Variants in VPS37A observed in about 807,000 individuals in gnomAD.
The protein encoded by VPS37A is vacuolar protein sorting-associated protein 37A.
Under a neutral mutation model 49.8 loss-of-function variants are expected in VPS37A, and 30 were observed. The ratio of observed to expected loss-of-function variants is 0.60; its 90% CI spans 0.45 to 0.82. The LOEUF is 0.82. VPS37A is among the 40% of genes least tolerant of loss of function. The pLI is 0.00. For synonymous variants in VPS37A, 195 were observed against 160.6 expected, an observed-to-expected ratio of 1.21 and a Z score of -1.62; for missense variants, 593 against 464.4, an observed-to-expected ratio of 1.28 and a Z score of -2.55.
intron 1 of VPS37A, among the ~76,000 whole-genome samples, chr8:17,264,126 C>T (rs1328996964): frequency 6.6e-6 from 1 of 151,934 alleles, no homozygotes; most frequent in Non-Finnish European, 1.5e-5. Context: ...TTTTTTTTAA[C>T]ATCTCCCTTT....
intron 4 of VPS37A, among the ~76,000 whole-genome samples, chr8:17,271,470 G>A (rs1813984520): frequency 6.6e-6 from 1 of 152,152 alleles, no homozygotes; most frequent in Non-Finnish European, 1.5e-5. Flanking sequence ...GCTGGGCATG[G>A]TGGTGGGCAC....
chr8:17,315,188 C>T, the VPS37A span, among the ~76,000 whole-genome samples: 2 of 152,128 alleles, frequency 1.3e-5, no homozygotes, highest in Admixed American at 1.3e-4. Context: ...TATGAAAAGA[C>T]ACAGAGGGAA....
At chr8:17,316,733 T>C in the VPS37A span, among the ~76,000 whole-genome samples, 2 of 152,168 alleles carry the variant, frequency 1.3e-5, no homozygotes. Context: ...AGCACCTACA[T>C]TGTATTAAGT....
rs1816793252 is a variant in VPS37A, at chr8:17,297,683, T to TAA, written c.*2700_*2701dup. 2.0e-5 allele frequency: 3 copies of TAA among 152,100 alleles called. No individual in the cohort carries two copies. Among genetic ancestry groups the TAA allele is most frequent in the African/African-American group, 7.2e-5 (3 of 41,468 alleles). 9.4% of individuals were successfully genotyped at this position (152,100 alleles called of 1,614,324 possible). On this transcript the variant is annotated 3_prime_UTR_variant, in exon 12 of 12. Coordinates refer to ENST00000324849, the MANE Select transcript of VPS37A (RefSeq NM_152415.3). ...CTATGCTTTAAACCACTGCTCTCAATAAAACACTTCCTGATTAATGTTTGA... is the reference window on the plus strand; with the variant it reads ...CTATGCTTTAAACCACTGCTCTCAATAAAAAACACTTCCTGATTAATGTTTGA...
intron 9 of VPS37A, among the ~76,000 whole-genome samples, chr8:17,283,120 T>C (rs1815243474): frequency 1.3e-5 from 2 of 152,204 alleles, no homozygotes; most frequent in Admixed American, 6.5e-5. Context: ...ACAGTTCATT[T>C]TTATTTATGA....
chr8:17,314,356 C>T, the VPS37A span, among the ~76,000 whole-genome samples: 2 of 152,206 alleles, frequency 1.3e-5, no homozygotes, highest in East Asian at 3.9e-4. Context: ...ACCCCCAACT[C>T]CATGGGCAAT....
intron 2 of VPS37A, among the ~76,000 whole-genome samples, chr8:17,266,317 G>C (rs1217537081): frequency 6.6e-6 from 1 of 152,166 alleles, no homozygotes; most frequent in Non-Finnish European, 1.5e-5. Context: ...AGCCGTTAGA[G>C]ATAGATTCAC....
In VPS37A at chr8:17,280,292, G is replaced by C. The variant is rs758349220; in HGVS notation, c.895G>C (p.Asp299His). The change falls in exon 8 of 12, where the codon GAT (aspartate) becomes CAT (histidine). Residue 299 changes from aspartate (D) to histidine (H), a missense_variant. Physicochemically the swap from Asp to His is moderately conservative, Grantham distance 81. Coordinates refer to ENST00000324849, the MANE Select transcript of VPS37A (RefSeq NM_152415.3). The stretch of plus-strand genomic sequence containing the variant: ...GGAAGCCAAAAGACAAACTGTTTTA[G>C]ATAAGGTGAGTTAGTGATAATTTTG... ...SLEAKRQTVL[D>H]KYELLTQMKS... 1 of 1,612,042 alleles carries C rather than the reference G, an allele frequency of 6.2e-7. No individual in the cohort carries two copies.
At chr8:17,316,348 TA>T in the VPS37A span, among the ~76,000 whole-genome samples, 1 of 151,982 alleles carries the variant, frequency 6.6e-6, no homozygotes, top group African/African-American at 2.4e-5. Context: ...ATTATGTAAA[TA>T]AATTTCATTA....
intron 11 of VPS37A, among the ~76,000 whole-genome samples, chr8:17,288,343 G>A (rs1262168091): frequency 1.3e-5 from 2 of 152,054 alleles, no homozygotes; most frequent in Non-Finnish European, 2.9e-5. Flanking sequence ...TTGACATTAG[G>A]TGTTTCTTCT....
the VPS37A span, among the ~76,000 whole-genome samples, chr8:17,314,805 T>C: frequency 6.6e-6 from 1 of 152,226 alleles, no homozygotes; most frequent in African/African-American, 2.4e-5. Flanking sequence ...AGACCTGATA[T>C]GCAGTCGGTG....
intron 1 of VPS37A, among the ~76,000 whole-genome samples, chr8:17,250,114 G>A (rs1811835244): frequency 6.6e-6 from 1 of 152,270 alleles, no homozygotes; most frequent in South Asian, 2.1e-4. Flanking sequence ...TAGGGAAGAA[G>A]GGTTGTAGTT....
At chr8:17,308,937 G>C in the VPS37A span, among the ~76,000 whole-genome samples, 4 of 152,206 alleles carry the variant, frequency 2.6e-5, no homozygotes, top group Non-Finnish European at 4.4e-5. Context: ...ACAACTTGCA[G>C]ACTAAAGTGA....
At chr8:17,294,178 C>G (rs953575336) in intron 11 of VPS37A, among the ~76,000 whole-genome samples, 4 of 152,234 alleles carry the variant, frequency 2.6e-5, no homozygotes, top group Non-Finnish European at 5.9e-5. Flanking sequence ...GAGAGGCAGT[C>G]TGGCTACAGT....
At chr8:17,325,125 C>T in the VPS37A span, among the ~76,000 whole-genome samples, 5 of 151,982 alleles carry the variant, frequency 3.3e-5, no homozygotes, top group African/African-American at 9.7e-5. Flanking sequence ...ACATCGGAAC[C>T]GACAGCCACA....
the VPS37A span, among the ~76,000 whole-genome samples, chr8:17,307,896 G>A: frequency 1.3e-5 from 2 of 151,576 alleles, no homozygotes; most frequent in Non-Finnish European, 2.9e-5. Context: ...GTGGGGTGGC[G>A]GGAGGGGGGA....
At chr8:17,322,541 T>A in the VPS37A span, among the ~76,000 whole-genome samples, 2 of 152,194 alleles carry the variant, frequency 1.3e-5, no homozygotes, top group Non-Finnish European at 2.9e-5. Context: ...AACATGTGGC[T>A]GGGCACATTG....
downstream of VPS37A, among the ~76,000 whole-genome samples, chr8:17,306,882 T>C (rs567760837): frequency 1.3e-5 from 2 of 151,974 alleles, no homozygotes; most frequent in South Asian, 4.2e-4. Flanking sequence ...TATACAAAAA[T>C]TAATTCAAGA....
the VPS37A span, among the ~76,000 whole-genome samples, chr8:17,323,494 C>A: frequency 6.6e-6 from 1 of 152,022 alleles, no homozygotes; most frequent in Non-Finnish European, 1.5e-5. Flanking sequence ...GAAGTCGACA[C>A]TGGGAAAAGA....
Sources: gnomAD v4.1 joint callset for allele counts (sites outside exome capture counted in the v4.1 genomes callset) on GRCh38, gnomAD v4.1.1 for gene constraint, MANE v1.5 for transcripts, NCBI Gene and HGNC (gene_info 2026-07-23, HGNC 2026-07-21) for gene names.